NR2C2: variants seen among roughly 807,000 people sequenced by gnomAD.
The protein encoded by NR2C2 is Nuclear hormone receptor TR4.
Under a neutral mutation model 62.9 loss-of-function variants are expected in NR2C2, and 6 were observed. The observed-to-expected ratio is 0.10, with a 90% CI of 0.05 to 0.19. The LOEUF is 0.19. Among genes scored for constraint, NR2C2 ranks in the 10% least tolerant of loss-of-function variants. The pLI, the probability that NR2C2 is intolerant of heterozygous loss-of-function variation, is 1.00. For missense variants in NR2C2, 479 were observed against 762.7 expected (o/e 0.63, Z 4.38); for synonymous variants, 272 against 273.8 (o/e 0.99, Z 0.07).
intron 5 of NR2C2, 70 bp downstream of exon 5, chr3:15,021,002 G>A (rs2041653912): frequency 1.4e-6 from 2 of 1,445,366 alleles, no homozygotes; most frequent in Non-Finnish European, 1.9e-6. Context: ...CATTAAATAA[G>A]GTTTCTATAC....
intron 2 of NR2C2, among the ~76,000 whole-genome samples, chr3:15,009,229 A>G (rs1219897120): frequency 1.3e-5 from 2 of 152,248 alleles, no homozygotes; most frequent in African/African-American, 2.4e-5. Context: ...TCTCAAAAAT[A>G]AATAAGTAAA....
intron 8 of NR2C2, among the ~76,000 whole-genome samples, chr3:15,029,831 A>AGATAGATG (rs1491528247): frequency 8.0e-6 from 1 of 124,248 alleles, no homozygotes; most frequent in East Asian, 2.1e-4. Context: ...ATAGATAGAT[A>AGATAGATG]GATAGATAGA....
At chr3:14,994,752 T>TAA (rs546377971) in intron 1 of NR2C2, among the ~76,000 whole-genome samples, 2,476 of 127,604 alleles carry the variant, frequency 0.019, 32 homozygotes, top group Non-Finnish European at 0.03. Context: ...ATTCATTCTT[T>TAA]AAAAAAAAAA....
chr3:14,994,664 A>G (rs1198324733), intron 1 of NR2C2, among the ~76,000 whole-genome samples: 2 of 150,984 alleles, frequency 1.3e-5, no homozygotes, highest in South Asian at 4.2e-4. Flanking sequence ...GATGGTCTCA[A>G]TCTGTTGACC....
At chr3:14,983,530 G>A (rs1342711905) in intron 1 of NR2C2, among the ~76,000 whole-genome samples, 1 of 151,518 alleles carries the variant, frequency 6.6e-6, no homozygotes, top group African/African-American at 2.4e-5. Context: ...TAGGGATTTT[G>A]CATCTGTGTT....
At chr3:14,989,846 C>T (rs912525439) in intron 1 of NR2C2, among the ~76,000 whole-genome samples, 1 of 141,450 alleles carries the variant, frequency 7.1e-6, no homozygotes, top group East Asian at 2.1e-4. Context: ...ATAAGAGAAT[C>T]GCTTGAACCT....
intron 1 of NR2C2, among the ~76,000 whole-genome samples, chr3:14,988,742 T>C (rs2040580308): frequency 6.6e-6 from 1 of 152,130 alleles, no homozygotes; most frequent in Non-Finnish European, 1.5e-5. Flanking sequence ...TCTTGATTAA[T>C]TTTTTTTCTC....
intron 1 of NR2C2, among the ~76,000 whole-genome samples, chr3:14,995,458 T>C (rs1359093069): frequency 2.6e-5 from 4 of 152,190 alleles, no homozygotes; most frequent in Admixed American, 2.6e-4. Context: ...GACTGGCTTC[T>C]TTTACCTAGC....
chr3:15,010,832 T>C (rs2041332958), intron 2 of NR2C2, among the ~76,000 whole-genome samples: 1 of 152,130 alleles, frequency 6.6e-6, no homozygotes, highest in Non-Finnish European at 1.5e-5. Context: ...ATACTTGCCA[T>C]ACCTCAACCA....
At chr3:15,037,099 G>A (rs1249102800) in intron 11 of NR2C2, among the ~76,000 whole-genome samples, 2 of 150,870 alleles carry the variant, frequency 1.3e-5, no homozygotes, top group Non-Finnish European at 3.0e-5. Context: ...TCCAGCCTGG[G>A]ACAGAGTGAG....
intron 2 of NR2C2, among the ~76,000 whole-genome samples, chr3:15,011,499 TG>T: frequency 6.6e-6 from 1 of 152,278 alleles, no homozygotes; most frequent in South Asian, 2.1e-4. Flanking sequence ...AGTTGAGCTG[TG>T]GGTAGGAAAG....
chr3:15,045,115 T>G lies in NR2C2; in HGVS notation c.*2107T>G, dbSNP rs1280763757. The G allele has an allele frequency of 1.3e-5, 2 of 152,220 alleles. No individual in the cohort carries two copies. Among genetic ancestry groups the G allele is most frequent in the Non-Finnish European group, 2.9e-5 (2 of 68,046 alleles). The allele number at this position is 152,220 out of a possible 1,614,324, so 9.4% of individuals were successfully genotyped here. On this transcript the variant is annotated 3_prime_UTR_variant, in exon 14 of 14. Transcript: ENST00000425241. ...ACAATGGAATTAGGGCAGGTTTGTTTCATTTCTGCTTGTGAAGGCTTTTAG... is the reference window on the plus strand; with the variant it reads ...ACAATGGAATTAGGGCAGGTTTGTTGCATTTCTGCTTGTGAAGGCTTTTAG...
chr3:15,008,524 GA>G (rs11356699), intron 2 of NR2C2, among the ~76,000 whole-genome samples: 30,972 of 141,480 alleles, frequency 0.22, 4,232 homozygotes, highest in African/African-American at 0.41. Flanking sequence ...CTGGTCTCAA[GA>G]AAAAAAAAAA....
At chr3:15,030,132 C>G (rs2041941745) in intron 8 of NR2C2, 143 bp from the exon 9 acceptor site, 1 of 723,116 alleles carries the variant, frequency 1.4e-6, no homozygotes, top group African/African-American at 1.8e-5. Context: ...TGAGACCAGC[C>G]TGGCCAACAT....
intron 6 of NR2C2, 121 bp from the exon 7 acceptor site, chr3:15,023,994 A>G (rs2041751176): frequency 1.4e-6 from 1 of 715,478 alleles, no homozygotes; most frequent in African/African-American, 1.8e-5. Flanking sequence ...GGCTGAGTCT[A>G]CTTAGAGCTT....
chr3:14,950,451 G>A (rs567312586), intron 1 of NR2C2, among the ~76,000 whole-genome samples: 2 of 151,626 alleles, frequency 1.3e-5, no homozygotes, highest in South Asian at 4.2e-4. Context: ...CTTATCTGTG[G>A]TACCCCTAGC....
chr3:15,019,042 T>G (rs1324504155), intron 4 of NR2C2, among the ~76,000 whole-genome samples: 1 of 135,936 alleles, frequency 7.4e-6, no homozygotes, highest in African/African-American at 2.8e-5. Flanking sequence ...AAAAAAAAGA[T>G]TTTATTTTTA....
chr3:14,972,467 C>T (rs1225295941), intron 1 of NR2C2, among the ~76,000 whole-genome samples: 1 of 152,194 alleles, frequency 6.6e-6, no homozygotes, highest in African/African-American at 2.4e-5. Flanking sequence ...AGCCAGTACA[C>T]CAGGCTGAGC....
chr3:15,039,308 T>C lies in NR2C2; in HGVS notation c.1616+81T>C, dbSNP rs2042189302. The C allele has an allele frequency of 6.7e-6, 6 of 899,712 alleles. No homozygotes were observed. The East Asian group carries it at 1.5e-4, about 23-fold the overall frequency. The allele number at this position is 899,712 out of a possible 1,614,324, so 55.7% of individuals were successfully genotyped here. On this transcript the variant is annotated intron_variant, in intron 13 of 13. Transcript: ENST00000425241. ...TCTGCAGTTTCTAATATAAATTATGTTAACCTTTCCATTTTTAGCAGCCTG... is the reference window on the plus strand; with the variant it reads ...TCTGCAGTTTCTAATATAAATTATGCTAACCTTTCCATTTTTAGCAGCCTG...
Sources: allele counts gnomAD v4.1 joint callset (sites outside exome capture counted in the v4.1 genomes callset), GRCh38; gene constraint gnomAD v4.1.1; transcripts MANE v1.5; gene names NCBI Gene and HGNC (gene_info 2026-07-23, HGNC 2026-07-21).